The following UFL1 variants were observed in gnomAD, a reference collection of about 807,000 sequenced individuals.
UFL1 encodes the protein E3 UFM1-protein ligase 1.
A neutral mutation model predicts 99.3 loss-of-function variants in UFL1; 78 were observed. That is an observed-to-expected ratio of 0.79 (90% CI 0.65 to 0.95). UFL1 has a LOEUF of 0.95. Ranked by LOEUF, UFL1 falls within the 40% of genes least tolerant of loss-of-function variation. UFL1 has a pLI of 0.00. For synonymous variants in UFL1, 335 were observed against 322.2 expected (o/e 1.04, Z -0.42); for missense variants, 936 against 937.0 (o/e 1.00, Z 0.01).
intron 4 of UFL1, among the ~76,000 whole-genome samples, chr6:96,525,997 G>T (rs1352367656): frequency 6.6e-6 from 1 of 151,628 alleles, no homozygotes. Context: ...GAGGTAGGAG[G>T]ATTGCTTGAT....
chr6:96,542,329 C>G (rs772322950), intron 11 of UFL1, among the ~76,000 whole-genome samples: 29 of 151,386 alleles, frequency 1.9e-4, no homozygotes, highest in Admixed American at 4.6e-4. Context: ...TCACGCATTT[C>G]TGTAAAGAAT....
Position 96,528,515 on chromosome 6 carries a change from G to A in UFL1, c.479G>A (p.Arg160Gln), listed in dbSNP as rs149739092. The change falls in exon 6 of 19, where the codon CGA (arginine) becomes CAA (glutamine). Residue 160 changes from arginine to glutamine, a missense_variant. By Grantham distance (43) the Arg-to-Gln change is conservative. Coordinates refer to ENST00000369278, the MANE Select transcript of UFL1 (RefSeq NM_015323.5). The part of the protein sequence containing the change: ...GNFLTQALTQ[R>Q]LGRIISGHID... The stretch of plus-strand genomic sequence containing the variant: ...CTTTACCCACAGGCACTAACTCAGC[G>A]ACTTGGTAGAATTATCAGTGGACAT... The A allele has an allele frequency of 1.5e-5, 24 of 1,612,624 alleles. No homozygotes were observed. Among genetic ancestry groups the A allele is most frequent in the African/African-American group, 2.7e-5 (2 of 74,848 alleles).
chr6:96,551,717 A>G, intron 16 of UFL1, 121 bp from the exon 17 acceptor site: 1 of 772,246 alleles, frequency 1.3e-6, no homozygotes, highest in Non-Finnish European at 2.1e-6. Context: ...TAACTTAATG[A>G]GAAAGTGACC....
chr6:96,538,590 A>G, intron 9 of UFL1, 41 bp from the exon 10 acceptor site: 1 of 1,578,606 alleles, frequency 6.3e-7, no homozygotes, highest in Non-Finnish European at 8.7e-7. Context: ...ACTGTATTAT[A>G]TTGCATTTAT....
At chr6:96,533,826 A>G (rs1204967561) in intron 6 of UFL1, among the ~76,000 whole-genome samples, 1 of 151,412 alleles carries the variant, frequency 6.6e-6, no homozygotes, top group Non-Finnish European at 1.5e-5. Context: ...AAGATTTTAA[A>G]TGGATCCCTC....
chr6:96,539,419 G>C (rs1769900659), intron 10 of UFL1, among the ~76,000 whole-genome samples: 1 of 151,484 alleles, frequency 6.6e-6, no homozygotes, highest in Non-Finnish European at 1.5e-5. Flanking sequence ...ATTTTAAACT[G>C]TTAATAAATT....
At chr6:96,545,805 C>G (rs1173945881) in intron 12 of UFL1, among the ~76,000 whole-genome samples, 1 of 150,938 alleles carries the variant, frequency 6.6e-6, no homozygotes, top group African/African-American at 2.4e-5. Context: ...AGAAAATGAT[C>G]ACATAAGAAA....
At position 96,551,456 on chromosome 6, in the gene UFL1, A is replaced by C. The variant is rs771665684; in HGVS notation, c.1842A>C (p.Lys614Asn). ...AGATAAGAAAGAAAATTTTAAGTAA[A>C]TTATCAGAAGAAACCAAAGTAGCTC... ...TSEIRKKILS[K>N]LSEETKVALT... The change falls in exon 16 of 19, where the codon AAA becomes AAC. Residue 614 changes from lysine to asparagine, a missense_variant. Physicochemically the swap from Lys to Asn is moderately conservative, Grantham distance 94. Coordinates refer to ENST00000369278, the MANE Select transcript of UFL1 (RefSeq NM_015323.5). The C allele has an allele frequency of 7.8e-6, 12 of 1,530,828 alleles. No homozygotes were observed. Among genetic ancestry groups the C allele is most frequent in the South Asian group, 1.2e-5 (1 of 81,474 alleles). 94.8% of individuals were successfully genotyped at this position (1,530,828 alleles called of 1,614,324 possible).
intron 13 of UFL1, among the ~76,000 whole-genome samples, chr6:96,548,797 GTAAC>G (rs112992667): frequency 1.3e-4 from 20 of 151,702 alleles, no homozygotes; most frequent in African/African-American, 4.8e-4. Context: ...TTGACCATTA[GTAAC>G]TAACTAACCT....
At chr6:96,546,782 A>T (rs747624597) in intron 12 of UFL1, among the ~76,000 whole-genome samples, 18 of 151,688 alleles carry the variant, frequency 1.2e-4, no homozygotes, top group South Asian at 6.2e-4. Context: ...ACCCTATTCA[A>T]TAAATGGTTC....
chr6:96,540,447 A>G (rs1036545950), intron 10 of UFL1, 88 bp from the exon 11 acceptor site: 1 of 1,453,096 alleles, frequency 6.9e-7, no homozygotes, highest in Non-Finnish European at 9.2e-7. Context: ...AAAACCAAAC[A>G]AGAATAATTA....
intron 6 of UFL1, among the ~76,000 whole-genome samples, chr6:96,532,280 G>C (rs144725797): frequency 6.6e-6 from 1 of 152,176 alleles, no homozygotes; most frequent in Admixed American, 6.5e-5. Flanking sequence ...ATTTTTGTAA[G>C]GATGTGTTTG....
chr6:96,536,973 C>CAT (rs71785495), intron 8 of UFL1, among the ~76,000 whole-genome samples: 23,565 of 149,904 alleles, frequency 0.16, 2,001 homozygotes, highest in Middle Eastern at 0.27. Flanking sequence ...AAACAATTAG[C>CAT]ATATATATAT....
Position 96,549,814 on chromosome 6 carries a change from T to A in UFL1, c.1818+15T>A. 1 of 1,609,936 alleles carries A rather than the reference T, an allele frequency of 6.2e-7. No homozygotes were observed. Among genetic ancestry groups the A allele is most frequent in the Non-Finnish European group, 8.5e-7 (1 of 1,177,622 alleles). ...TTACAAGTGAAGTATGTTAATGATC[T>A]CCCTACCACTATTGATGTGTTCTGT... On this transcript the variant is annotated intron_variant, in intron 15 of 18. Coordinates refer to ENST00000369278, the MANE Select transcript of UFL1 (RefSeq NM_015323.5).
chr6:96,538,283 T>C (rs1769881546), intron 9 of UFL1, among the ~76,000 whole-genome samples: 1 of 151,602 alleles, frequency 6.6e-6, no homozygotes, highest in African/African-American at 2.4e-5. Flanking sequence ...GGAGAAAGAG[T>C]TATGACAAAA....
Position 96,538,684 on chromosome 6 carries a change from G to A in UFL1, c.1032G>A (p.Gln344=). 2 of 1,611,560 alleles carry A rather than the reference G, an allele frequency of 1.2e-6. No homozygotes were observed. The highest frequency in any genetic ancestry group is 2.2e-5 in the South Asian group (2 of 91,018). Residue 344 remains glutamine, a synonymous_variant, in exon 10 of 19, where the codon CAG becomes CAA. Transcript: ENST00000369278. The part of the protein sequence containing the change: ...SVEDAAILLQ[Q]VMRAFSKQAS... ...AAGATGCTGCCATATTGCTTCAGCAGGTGATGAGGGCATTCAGCAAACAGG... is the reference window on the plus strand; with the variant it reads ...AAGATGCTGCCATATTGCTTCAGCAAGTGATGAGGGCATTCAGCAAACAGG...
intron 18 of UFL1, 101 bp downstream of exon 18, chr6:96,552,763 A>G (rs1770101106): frequency 4.6e-6 from 5 of 1,083,442 alleles, no homozygotes; most frequent in Non-Finnish European, 5.1e-6. Context: ...TATAAAATAC[A>G]TTAACATCAA....
intron 13 of UFL1, among the ~76,000 whole-genome samples, chr6:96,549,039 T>G (rs1770039537): frequency 6.6e-6 from 1 of 151,738 alleles, no homozygotes; most frequent in Non-Finnish European, 1.5e-5. Flanking sequence ...AAAGGTTTTT[T>G]TAAATGTATT....
In UFL1 at chr6:96,536,312, G is replaced by T. The variant is rs781069921; in HGVS notation, c.724G>T (p.Ala242Ser). The change falls in exon 8 of 19, where the codon GCT becomes TCT. Residue 242 changes from alanine (A) to serine (S), a missense_variant. Physicochemically the swap from Ala to Ser is moderately conservative, Grantham distance 99. Transcript: ENST00000369278. ...GTVVGGRQDK[A>S]VFVPDIYSRT... ...TGTGGTTGGTGGGAGACAGGATAAA[G>T]CTGTGTTTGTCCCTGACATCTACTC... 6.2e-7 allele frequency: 1 copy of T among 1,611,498 alleles called. No individual in the cohort carries two copies. The highest frequency in any genetic ancestry group is 1.7e-5 in the Admixed American group (1 of 59,822).
Sources: allele counts gnomAD v4.1 joint callset (sites outside exome capture counted in the v4.1 genomes callset), GRCh38; gene constraint gnomAD v4.1.1; transcripts MANE v1.5; gene names NCBI Gene and HGNC (gene_info 2026-07-23, HGNC 2026-07-21).